PAPPA2: variants seen among roughly 807,000 people sequenced by gnomAD.
PAPPA2 encodes pappalysin-2.
PAPPA2 carries 86 observed loss-of-function variants against 176.4 expected under a neutral mutation model. That is an observed-to-expected ratio of 0.49 (90% CI 0.41 to 0.58). PAPPA2 has a LOEUF of 0.58. PAPPA2 is among the 20% of genes least tolerant of loss of function. The probability of loss-of-function intolerance (pLI) is 0.00; values close to 1 mark genes in which losing one functional copy is unlikely to be tolerated. For missense variants in PAPPA2, 2,073 were observed against 2,256.9 expected, an observed-to-expected ratio of 0.92 and a Z score of 1.65; for synonymous variants, 809 against 852.2, an observed-to-expected ratio of 0.95 and a Z score of 0.88.
intron 12 of PAPPA2, among the ~76,000 whole-genome samples, chr1:176,726,786 A>G (rs1377406000): frequency 6.6e-6 from 1 of 152,226 alleles, no homozygotes; most frequent in African/African-American, 2.4e-5. Context: ...AATTTGGTAT[A>G]CAGGCCATTT....
At chr1:176,647,687 A>G (rs1348904749) in intron 3 of PAPPA2, among the ~76,000 whole-genome samples, 1 of 151,552 alleles carries the variant, frequency 6.6e-6, no homozygotes, top group African/African-American at 2.4e-5. Context: ...TCCCTATTGT[A>G]TGTTTTTGGT....
Position 176,556,239 on chromosome 1 carries a change from A to G in PAPPA2, c.-84A>G. ...CCCTGGTGACTGCAAATCCATTGCT[A>G]GCTGCCTCTTTCTCGTCTGCCCATC... is the stretch of plus-strand genomic sequence containing the variant. On this transcript the variant is annotated 5_prime_UTR_variant, in exon 2 of 23. Transcript: ENST00000367662. 3 of 1,435,470 alleles carry G rather than the reference A, an allele frequency of 2.1e-6. No homozygotes were observed. Among genetic ancestry groups the G allele is most frequent in the Non-Finnish European group, 2.8e-6 (3 of 1,061,244 alleles). 88.9% of individuals were successfully genotyped at this position (1,435,470 alleles called of 1,614,324 possible).
chr1:176,674,632 A>T (rs1429423839), intron 4 of PAPPA2, among the ~76,000 whole-genome samples: 2 of 151,528 alleles, frequency 1.3e-5, no homozygotes, highest in Non-Finnish European at 2.9e-5. Flanking sequence ...TGGTATACAC[A>T]TATACTGTAT....
chr1:176,798,894 G>A (rs1365623777), intron 20 of PAPPA2, among the ~76,000 whole-genome samples: 1 of 152,182 alleles, frequency 6.6e-6, no homozygotes, highest in African/African-American at 2.4e-5. Context: ...CTGTGAAGGA[G>A]GAGTTTTAGC....
At chr1:176,835,487 T>G (rs1036402026) in intron 21 of PAPPA2, among the ~76,000 whole-genome samples, 4 of 152,198 alleles carry the variant, frequency 2.6e-5, no homozygotes, top group Admixed American at 2.0e-4. Flanking sequence ...TTCCTCCACA[T>G]TCTCACAAGC....
At position 176,740,066 on chromosome 1, in the gene PAPPA2, G is replaced by A; in HGVS notation, c.4021G>A (p.Val1341Met). ...TGTCCTTTTCCACCATACCACCTCA[G>A]TGCTGCTGAATTTCTCATCCCCACG... ...QNVLFHHTTS[V>M]LLNFSSPRVG... The change falls in exon 14 of 23, where the codon GTG (valine) becomes ATG (methionine). Residue 1341 changes from valine (V) to methionine (M), a missense_variant. Val to Met is a conservative substitution (Grantham distance 21). Around this residue, in one of 4 missense-constraint regions of PAPPA2, gnomAD observed 846 missense variants for 857.9 expected, o/e 0.99. Coordinates refer to ENST00000367662, the MANE Select transcript of PAPPA2 (RefSeq NM_020318.3). 1.2e-6 allele frequency: 2 copies of A among 1,613,906 alleles called. No homozygotes were observed. Among genetic ancestry groups the A allele is most frequent in the Non-Finnish European group, 1.7e-6 (2 of 1,179,886 alleles).
At chr1:176,762,920 C>T (rs1353465273) in intron 14 of PAPPA2, among the ~76,000 whole-genome samples, 1 of 152,122 alleles carries the variant, frequency 6.6e-6, no homozygotes, top group Non-Finnish European at 1.5e-5. Context: ...TCACACCGAT[C>T]ACCTCCAGTT....
intron 1 of PAPPA2, among the ~76,000 whole-genome samples, chr1:176,501,252 T>C (rs1647945779): frequency 6.6e-6 from 1 of 152,090 alleles, no homozygotes; most frequent in Non-Finnish European, 1.5e-5. Context: ...CTCTTAAAAG[T>C]TAGTGGCTTC....
chr1:176,671,159 A>G (rs202219663), intron 4 of PAPPA2, 44 bp downstream of exon 4: 3 of 1,599,074 alleles, frequency 1.9e-6, no homozygotes, highest in African/African-American at 1.4e-5. Flanking sequence ...AAAACAAAGA[A>G]GGCTGAAGGA....
chr1:176,560,621 A>G (rs1651609156), intron 2 of PAPPA2, among the ~76,000 whole-genome samples: 1 of 152,188 alleles, frequency 6.6e-6, no homozygotes, highest in Non-Finnish European at 1.5e-5. Flanking sequence ...TCAGGAGCCC[A>G]TTTGGTTGGG....
rs184064736 is a variant in PAPPA2, at chr1:176,576,377, A to G, written c.920-18147A>G. Among the ~76,000 whole-genome samples the G allele has an allele frequency of 1.4e-4, 21 of 151,886 alleles. No individual in the cohort carries two copies. In the East Asian group the frequency reaches 4.1e-3, roughly 29 times the overall value. On this transcript the variant is annotated intron_variant, in intron 2 of 22. Transcript: ENST00000367662. Reference sequence around the variant, plus strand: ...CCCCATCAGTGTCTTTCCACCCTTTACTTTTTTTTCTATTGCTGTCACCCA... The same window carrying G: ...CCCCATCAGTGTCTTTCCACCCTTTGCTTTTTTTTCTATTGCTGTCACCCA...
intron 3 of PAPPA2, among the ~76,000 whole-genome samples, chr1:176,618,234 G>T (rs1655383280): frequency 6.6e-6 from 1 of 152,118 alleles, no homozygotes; most frequent in Admixed American, 6.5e-5. Flanking sequence ...GGCCACTATA[G>T]ATTGAATTTT....
intron 3 of PAPPA2, among the ~76,000 whole-genome samples, chr1:176,668,048 C>T (rs1658767629): frequency 6.6e-6 from 1 of 152,062 alleles, no homozygotes; most frequent in Non-Finnish European, 1.5e-5. Context: ...GGAAACCTGG[C>T]AATGGCTAAT....
chr1:176,595,995 A>G (rs1049029170), intron 3 of PAPPA2, among the ~76,000 whole-genome samples: 3 of 152,200 alleles, frequency 2.0e-5, no homozygotes, highest in Admixed American at 6.5e-5. Context: ...ACGTGACAAT[A>G]CTTCCTATAG....
At chr1:176,612,363 C>T (rs1654978593) in intron 3 of PAPPA2, among the ~76,000 whole-genome samples, 2 of 151,880 alleles carry the variant, frequency 1.3e-5, no homozygotes, top group Admixed American at 6.6e-5. Context: ...CTCTGCACTC[C>T]AGCCTGGGTG....
At position 176,615,179 on chromosome 1, in the gene PAPPA2, C is replaced by A. The variant is rs115975876; in HGVS notation, c.1991+19584C>A. Among the ~76,000 whole-genome samples the A allele has an allele frequency of 6.3e-3, 957 of 152,268 alleles. 17 individuals carry two copies. Among genetic ancestry groups the A allele is most frequent in the African/African-American group, 0.021 (874 of 41,568 alleles). ...GCTAAAAATAATTAATAGCTCCCTCCCATTTTTTTCTCAGGCCCTCCCTGT... is the reference window on the plus strand; with the variant it reads ...GCTAAAAATAATTAATAGCTCCCTCACATTTTTTTCTCAGGCCCTCCCTGT... On this transcript the variant is annotated intron_variant, in intron 3 of 22. Coordinates refer to ENST00000367662, the MANE Select transcript of PAPPA2 (RefSeq NM_020318.3).
At chr1:176,840,026 T>C (rs951205486) in intron 21 of PAPPA2, 147 bp from the exon 22 acceptor site, 7 of 602,568 alleles carry the variant, frequency 1.2e-5, no homozygotes, top group Admixed American at 5.8e-5. Flanking sequence ...TTCTTGCAAA[T>C]ATTAGGTCAA....
intron 3 of PAPPA2, among the ~76,000 whole-genome samples, chr1:176,669,317 A>G (rs2102770965): frequency 6.6e-6 from 1 of 150,828 alleles, no homozygotes; most frequent in African/African-American, 2.4e-5. Flanking sequence ...CATTTCCTTC[A>G]TTCTCTTTTC....
chr1:176,802,762 T>G (rs2102952060), intron 21 of PAPPA2, among the ~76,000 whole-genome samples: 1 of 152,334 alleles, frequency 6.6e-6, no homozygotes, highest in South Asian at 2.1e-4. Flanking sequence ...CAGCTCAGTA[T>G]CCTCAGCCCA....
Sources: gnomAD v4.1 joint callset for allele counts (sites outside exome capture counted in the v4.1 genomes callset) on GRCh38, gnomAD v4.1.1 for gene constraint, gnomAD v4.1.1 regional missense constraint, MANE v1.5 for transcripts, NCBI Gene and HGNC (gene_info 2026-07-23, HGNC 2026-07-21) for gene names.